Variants in NCAM2 observed in about 807,000 individuals in gnomAD.
NCAM2 encodes the protein neural cell adhesion molecule 2.
NCAM2 carries 30 observed loss-of-function variants against 98.1 expected under a neutral mutation model. The observed-to-expected ratio is 0.31, with a 90% confidence interval of 0.23 to 0.41. NCAM2 has a LOEUF of 0.41. Ranked by LOEUF, NCAM2 falls within the 10% of genes least tolerant of loss-of-function variation. The pLI is 1.00. For synonymous variants in NCAM2, 368 were observed against 342.4 expected (o/e 1.07, Z -0.83); for missense variants, 867 against 1,005.8 (o/e 0.86, Z 1.87).
intron 8 of NCAM2, among the ~76,000 whole-genome samples, chr21:21,351,551 A>C (rs1457326611): frequency 6.6e-6 from 1 of 152,230 alleles, no homozygotes; most frequent in African/African-American, 2.4e-5. Context: ...CATACTAAGC[A>C]ATATATTGTT....
chr21:21,035,800 G>C (rs1042842778), intron 1 of NCAM2, among the ~76,000 whole-genome samples: 1 of 151,982 alleles, frequency 6.6e-6, no homozygotes, highest in Non-Finnish European at 1.5e-5. Flanking sequence ...AGAGCTTTTG[G>C]AAGAAAAAAG....
Position 21,538,608 on chromosome 21 carries a change from T to C in NCAM2, c.*651T>C, listed in dbSNP as rs1990107255. 6.6e-6 allele frequency: 1 copy of C among 152,374 alleles called. No individual in the cohort carries two copies. Among genetic ancestry groups the C allele is most frequent in the African/African-American group, 2.4e-5 (1 of 41,454 alleles). 9.4% of individuals were successfully genotyped at this position (152,374 alleles called of 1,614,324 possible). A position where few individuals can be genotyped will look rare whatever the true frequency, so the allele number is the denominator to read the frequency against. ...CAAAATTGTTACCCATTTGAAAGAATATTAGTTGTATATAAAATTAGATTA... is the reference window on the plus strand; with the variant it reads ...CAAAATTGTTACCCATTTGAAAGAACATTAGTTGTATATAAAATTAGATTA... On this transcript the variant is annotated 3_prime_UTR_variant, in exon 18 of 18. Transcript: ENST00000400546.
At chr21:21,014,931 T>C (rs897108338) in intron 1 of NCAM2, among the ~76,000 whole-genome samples, 6 of 152,156 alleles carry the variant, frequency 3.9e-5, no homozygotes, top group Non-Finnish European at 5.9e-5. Context: ...TCCATCCTCA[T>C]GGATGGCCGA....
intron 9 of NCAM2, among the ~76,000 whole-genome samples, chr21:21,403,568 C>A (rs1459129807): frequency 6.6e-6 from 1 of 152,088 alleles, no homozygotes; most frequent in East Asian, 1.9e-4. Flanking sequence ...CCAGCATCTG[C>A]TAAATGGCTT....
At chr21:21,155,818 G>C (rs540004412) in intron 1 of NCAM2, among the ~76,000 whole-genome samples, 1 of 152,048 alleles carries the variant, frequency 6.6e-6, no homozygotes, top group African/African-American at 2.4e-5. Flanking sequence ...ATGGGAGCAA[G>C]TTTTTCAAAA....
intron 11 of NCAM2, among the ~76,000 whole-genome samples, chr21:21,421,765 C>T (rs1236329003): frequency 6.6e-6 from 1 of 152,130 alleles, no homozygotes; most frequent in Non-Finnish European, 1.5e-5. Flanking sequence ...AGGTCAAGAT[C>T]ATTTGGCATA....
rs146524420 is a variant in NCAM2 at position 21,493,824 on chromosome 21, A to G, written c.2078-15027A>G. 2.0e-3 allele frequency among the ~76,000 whole-genome samples: 299 copies of G among 152,012 alleles called. 2 individuals carry two copies. The highest frequency in any genetic ancestry group is 6.9e-3 in the African/African-American group (286 of 41,510). On this transcript the variant is annotated intron_variant, in intron 15 of 17. Transcript: ENST00000400546. ...AATTTTACATTATGTAGCCTTTGCA[A>G]ATTGATTTCTTTCAATTAGCAACAT...
intron 5 of NCAM2, among the ~76,000 whole-genome samples, chr21:21,294,847 CTTTTATAAA>C (rs2073420857): frequency 6.6e-6 from 1 of 150,960 alleles, no homozygotes; most frequent in Admixed American, 6.6e-5. Context: ...TATTATGCCT[CTTTTATAAA>C]ACTGCTTAAA....
chr21:21,265,858 C>G (rs552838900), intron 1 of NCAM2, among the ~76,000 whole-genome samples: 3 of 152,138 alleles, frequency 2.0e-5, no homozygotes, highest in African/African-American at 4.8e-5. Context: ...CAGCATTACT[C>G]AACTACTCAT....
At chr21:21,345,353 G>A (rs1447446026) in intron 8 of NCAM2, among the ~76,000 whole-genome samples, 1 of 151,926 alleles carries the variant, frequency 6.6e-6, no homozygotes, top group Admixed American at 6.6e-5. Context: ...AAATAGTTGT[G>A]TTGAGGAAAC....
intron 1 of NCAM2, among the ~76,000 whole-genome samples, chr21:21,082,701 A>C (rs1298592656): frequency 6.6e-6 from 1 of 152,086 alleles, no homozygotes; most frequent in Non-Finnish European, 1.5e-5. Flanking sequence ...TACTGGGCTG[A>C]TTTATTATGT....
intron 5 of NCAM2, among the ~76,000 whole-genome samples, chr21:21,297,356 T>G (rs2073525068): frequency 6.6e-6 from 1 of 151,652 alleles, no homozygotes; most frequent in African/African-American, 2.4e-5. Context: ...CATAAAAAAA[T>G]TTTACTTGCT....
rs180816589 is a variant in NCAM2 at position 21,375,380 on chromosome 21, A to C, written c.1195+1367A>C. Among the ~76,000 whole-genome samples the C allele has an allele frequency of 5.1e-3, 776 of 151,834 alleles. 3 individuals carry two copies. The highest frequency in any genetic ancestry group is 7.7e-3 in the Non-Finnish European group (523 of 67,800). On this transcript the variant is annotated intron_variant, in intron 9 of 17. Transcript: ENST00000400546. The stretch of plus-strand genomic sequence containing the variant: ...GATTATGAAAGGCAGTCAACAATAA[A>C]AGGCAACTTGATTCTGACACAAATT...
intron 12 of NCAM2, among the ~76,000 whole-genome samples, chr21:21,455,392 G>T (rs1328378428): frequency 6.6e-6 from 1 of 151,670 alleles, no homozygotes; most frequent in Non-Finnish European, 1.5e-5. Flanking sequence ...GCTCTAAAAT[G>T]CAAGGTTCAA....
intron 9 of NCAM2, among the ~76,000 whole-genome samples, chr21:21,388,184 T>TTG (rs1384191203): frequency 2.0e-5 from 3 of 152,190 alleles, no homozygotes; most frequent in Non-Finnish European, 4.4e-5. Context: ...TTTAAAGTGT[T>TTG]TGTTCACATC....
chr21:21,458,216 G>A (rs1982435914), intron 12 of NCAM2, among the ~76,000 whole-genome samples: 1 of 152,202 alleles, frequency 6.6e-6, no homozygotes, highest in Non-Finnish European at 1.5e-5. Context: ...CTGGGGCCTG[G>A]TCTCGGGTAG....
At chr21:21,149,369 A>G (rs2067378743) in intron 1 of NCAM2, among the ~76,000 whole-genome samples, 1 of 152,028 alleles carries the variant, frequency 6.6e-6, no homozygotes, top group South Asian at 2.1e-4. Flanking sequence ...ATTTATTTAG[A>G]TCTCTTTTAA....
Position 21,109,284 on chromosome 21 carries a change from A to G in NCAM2, c.55+110666A>G, listed in dbSNP as rs148610607. 1.1e-4 allele frequency among the ~76,000 whole-genome samples: 17 copies of G among 152,240 alleles called. 1 individual carries two copies. The highest frequency in any genetic ancestry group is 4.1e-4 in the African/African-American group (17 of 41,552). ...ACTGACTGGAAACTCTTGAAAAATG[A>G]ACTTCAGATATTTGAATTGCATTGT... On this transcript the variant is annotated intron_variant, in intron 1 of 17. Transcript: ENST00000400546.
chr21:21,383,213 A>G (rs2148103976), intron 9 of NCAM2, among the ~76,000 whole-genome samples: 1 of 152,280 alleles, frequency 6.6e-6, no homozygotes, highest in South Asian at 2.1e-4. Context: ...AATCACCTCT[A>G]AGTTTTGTGT....
Sources: allele counts gnomAD v4.1 joint callset (sites outside exome capture counted in the v4.1 genomes callset), GRCh38; gene constraint gnomAD v4.1.1; transcripts MANE v1.5; gene names NCBI Gene and HGNC (gene_info 2026-07-23, HGNC 2026-07-21).